The following QKI variants were observed in gnomAD, a reference collection of about 807,000 sequenced individuals.
QKI encodes QKI, KH domain containing RNA binding.
Under a neutral mutation model 39.0 loss-of-function variants are expected in QKI, and 10 were observed. That is an observed-to-expected ratio of 0.26 (90% CI 0.16 to 0.43). The LOEUF (loss-of-function observed/expected upper bound fraction) is 0.43. Ranked by LOEUF, QKI falls within the 20% of genes least tolerant of loss-of-function variation. The pLI, the probability that QKI is intolerant of heterozygous loss-of-function variation, is 1.00. For missense variants in QKI, 218 were observed against 428.0 expected (o/e 0.51, Z 4.33); for synonymous variants, 204 against 155.4 (o/e 1.31, Z -2.33).
chr6:163,422,653 A>T (rs1360076378), intron 1 of QKI, among the ~76,000 whole-genome samples: 1 of 152,242 alleles, frequency 6.6e-6, no homozygotes, highest in East Asian at 1.9e-4. Context: ...TCACAATGTA[A>T]GTAAAGGGCA....
chr6:163,524,979 C>A (rs911036969), intron 3 of QKI, among the ~76,000 whole-genome samples: 2 of 152,168 alleles, frequency 1.3e-5, no homozygotes, highest in African/African-American at 4.8e-5. Context: ...TAGATAAATT[C>A]AAGCATTTTG....
intron 3 of QKI, among the ~76,000 whole-genome samples, chr6:163,521,887 T>C (rs1780184644): frequency 6.6e-6 from 1 of 152,174 alleles, no homozygotes; most frequent in East Asian, 1.9e-4. Context: ...GCTTTGATTT[T>C]GAGGCTTCTT....
chr6:163,566,469 G>A (rs1783367358), intron 6 of QKI: 1 of 1,321,132 alleles, frequency 7.6e-7, no homozygotes, highest in Non-Finnish European at 9.7e-7. Context: ...ATGAAATACT[G>A]TAACTTGGGG....
intron 3 of QKI, among the ~76,000 whole-genome samples, chr6:163,485,135 C>T (rs1777569892): frequency 6.6e-6 from 1 of 152,088 alleles, no homozygotes; most frequent in African/African-American, 2.4e-5. Context: ...GATTTAATCC[C>T]ATGTACTTAA....
chr6:163,506,059 C>T (rs1779074473), intron 3 of QKI, among the ~76,000 whole-genome samples: 2 of 149,626 alleles, frequency 1.3e-5, no homozygotes, highest in Non-Finnish European at 3.0e-5. Context: ...CAGATGTGTT[C>T]CCACCCCGCC....
chr6:163,496,325 C>T (rs1256989497), intron 3 of QKI, among the ~76,000 whole-genome samples: 2 of 152,048 alleles, frequency 1.3e-5, no homozygotes, highest in Non-Finnish European at 2.9e-5. Context: ...GTGAATTAAC[C>T]CATCTAGTCC....
chr6:163,427,272 C>T (rs1030524567), intron 1 of QKI, among the ~76,000 whole-genome samples: 2 of 132,264 alleles, frequency 1.5e-5, no homozygotes, highest in Non-Finnish European at 3.2e-5. Context: ...TTTTGCTGGC[C>T]ACAGCTAAAC....
intron 2 of QKI, among the ~76,000 whole-genome samples, chr6:163,465,117 T>C (rs948694149): frequency 1.3e-5 from 2 of 152,132 alleles, no homozygotes; most frequent in Non-Finnish European, 2.9e-5. Context: ...AAAAAGGCAT[T>C]TGACAAAATG....
intron 3 of QKI, among the ~76,000 whole-genome samples, chr6:163,511,054 G>A (rs1430125496): frequency 6.6e-6 from 1 of 152,118 alleles, no homozygotes; most frequent in African/African-American, 2.4e-5. Flanking sequence ...AAGGTACAAA[G>A]GATTAAGATT....
intron 3 of QKI, among the ~76,000 whole-genome samples, chr6:163,500,310 G>T (rs1299605745): frequency 1.3e-5 from 2 of 152,108 alleles, no homozygotes; most frequent in Non-Finnish European, 2.9e-5. Context: ...AGTTGGGCAA[G>T]AGTTGAAGGA....
intron 2 of QKI, among the ~76,000 whole-genome samples, chr6:163,466,942 C>T (rs912154598): frequency 6.6e-5 from 10 of 150,818 alleles, no homozygotes; most frequent in Admixed American, 6.0e-4. Context: ...AGGCAACCTA[C>T]AGAATGGGAG....
chr6:163,479,507 G>A (rs901227774), intron 3 of QKI, among the ~76,000 whole-genome samples: 1 of 151,710 alleles, frequency 6.6e-6, no homozygotes, highest in Non-Finnish European at 1.5e-5. Flanking sequence ...GAGTAGCTGG[G>A]ATTACAGGCG....
intron 3 of QKI, among the ~76,000 whole-genome samples, chr6:163,516,213 G>C (rs1779786683): frequency 6.6e-6 from 1 of 152,120 alleles, no homozygotes; most frequent in South Asian, 2.1e-4. Context: ...TACATACATT[G>C]TACCCCTCAG....
chr6:163,450,281 C>T (rs1442393004), intron 1 of QKI, among the ~76,000 whole-genome samples: 1 of 152,170 alleles, frequency 6.6e-6, no homozygotes. Flanking sequence ...TGGTCTTGAA[C>T]TCCTAACTTC....
At chr6:163,461,518 TAA>T (rs1791349167) in intron 2 of QKI, among the ~76,000 whole-genome samples, 1 of 152,176 alleles carries the variant, frequency 6.6e-6, no homozygotes, top group Non-Finnish European at 1.5e-5. Flanking sequence ...ATGGTTTATC[TAA>T]AAAGAGTTTC....
At chr6:163,470,992 C>G (rs1181288353) in intron 2 of QKI, among the ~76,000 whole-genome samples, 1 of 151,852 alleles carries the variant, frequency 6.6e-6, no homozygotes, top group Non-Finnish European at 1.5e-5. Context: ...ACTATAAAAC[C>G]AAAGAAAGAA....
chr6:163,549,280 A>AG lies in QKI; in HGVS notation c.547-12698dup, dbSNP rs751237752. On this transcript the variant is annotated intron_variant, in intron 4 of 7. Transcript: ENST00000361752. ...GTCTCATTTTCCTTAGCAGTCCTGGAGGGGATATGCAGGAAGTATGGACAG... is the reference window on the plus strand; with the variant it reads ...GTCTCATTTTCCTTAGCAGTCCTGGAGGGGGATATGCAGGAAGTATGGACAG... 2.0e-5 allele frequency among the ~76,000 whole-genome samples: 3 copies of AG among 152,236 alleles called. No homozygotes were observed. In the East Asian group the frequency reaches 5.8e-4, roughly 29 times the overall value.
At chr6:163,510,583 A>G (rs1231813072) in intron 3 of QKI, among the ~76,000 whole-genome samples, 12 of 152,162 alleles carry the variant, frequency 7.9e-5, no homozygotes, top group Non-Finnish European at 1.8e-4. Context: ...TACAGTTTAC[A>G]GAGAAATACT....
At chr6:163,420,783 A>G in intron 1 of QKI, among the ~76,000 whole-genome samples, 1 of 152,230 alleles carries the variant, frequency 6.6e-6, no homozygotes, top group Non-Finnish European at 1.5e-5. Flanking sequence ...AGAAAATCAC[A>G]ACTAACAATA....
Sources: gnomAD v4.1 joint callset for allele counts (sites outside exome capture counted in the v4.1 genomes callset) on GRCh38, gnomAD v4.1.1 for gene constraint, MANE v1.5 for transcripts, NCBI Gene and HGNC (gene_info 2026-07-23, HGNC 2026-07-21) for gene names.